Variants in SPRTN observed in about 807,000 individuals in gnomAD.
SPRTN encodes the protein SprT-like N-terminal domain.
In SPRTN, 11 loss-of-function variants were observed where a neutral mutation model predicts 31.9. The observed-to-expected ratio is 0.34, with a 90% CI of 0.22 to 0.57. The LOEUF (loss-of-function observed/expected upper bound fraction) is 0.57, where lower values mean the gene tolerates loss of function less well. SPRTN is among the 20% of genes least tolerant of loss of function. The pLI is 0.86. For missense variants in SPRTN, 482 were observed against 590.1 expected, an observed-to-expected ratio of 0.82 and a Z score of 1.90; for synonymous variants, 185 against 212.1, an observed-to-expected ratio of 0.87 and a Z score of 1.11.
At chr1:231,346,109 C>T (rs959178425) in intron 2 of SPRTN, among the ~76,000 whole-genome samples, 1 of 151,904 alleles carries the variant, frequency 6.6e-6, no homozygotes, top group African/African-American at 2.4e-5. Context: ...GCCACCACGC[C>T]TGACCATCCT....
At chr1:231,345,221 A>G (rs1160059066) in intron 2 of SPRTN, among the ~76,000 whole-genome samples, 1 of 151,140 alleles carries the variant, frequency 6.6e-6, no homozygotes, top group East Asian at 2.0e-4. Flanking sequence ...TCCCAGGTTC[A>G]GGTGATTCTC....
In SPRTN at chr1:231,354,487, G is replaced by A. The variant is rs1012885331; in HGVS notation, c.*1126G>A. The A allele has an allele frequency of 3.8e-5, 26 of 686,882 alleles. No individual in the cohort carries two copies. Among genetic ancestry groups the A allele is most frequent in the South Asian group, 2.6e-4 (4 of 15,250 alleles). The allele number at this position is 686,882 out of a possible 1,614,324, so 42.5% of individuals were successfully genotyped here. A position where few individuals can be genotyped will look rare whatever the true frequency, so the allele number is the denominator to read the frequency against. Reference sequence around the variant, plus strand: ...GTGTTCACCTGTGTAACTACCACCCGGATCAAGTTAGAGAACACTTCCATT... The same window carrying A: ...GTGTTCACCTGTGTAACTACCACCCAGATCAAGTTAGAGAACACTTCCATT... On this transcript the variant is annotated 3_prime_UTR_variant, in exon 5 of 5. Coordinates refer to ENST00000295050, the MANE Select transcript of SPRTN (RefSeq NM_032018.7).
chr1:231,345,397 G>A (rs911848133), intron 2 of SPRTN, among the ~76,000 whole-genome samples: 1 of 152,048 alleles, frequency 6.6e-6, no homozygotes, highest in Non-Finnish European at 1.5e-5. Context: ...CAAAGTGCGG[G>A]GATTACAGGC....
rs910028648 is a variant in SPRTN, at chr1:231,354,235, A to G, written c.*874A>G. ...AAAACATTATAATAAAAGGAATACC[A>G]TTTGTGCATTTTAAGTAATCTTTTT... On this transcript the variant is annotated 3_prime_UTR_variant, in exon 5 of 5. Coordinates refer to ENST00000295050, the MANE Select transcript of SPRTN (RefSeq NM_032018.7). 6 of 975,284 alleles carry G rather than the reference A, an allele frequency of 6.2e-6. No homozygotes were observed. In the African/African-American group the frequency reaches 1.1e-4, roughly 17 times the overall value. The allele number at this position is 975,284 out of a possible 1,614,324, so 60.4% of individuals were successfully genotyped here. A position where few individuals can be genotyped will look rare whatever the true frequency, so the allele number is the denominator to read the frequency against.
At chr1:231,341,212 A>C (rs1476951086) in intron 2 of SPRTN, among the ~76,000 whole-genome samples, 2 of 151,982 alleles carry the variant, frequency 1.3e-5, no homozygotes, top group African/African-American at 4.8e-5. Flanking sequence ...GTAAAGACAC[A>C]CTTATTTTAA....
intron 3 of SPRTN, among the ~76,000 whole-genome samples, 161 bp downstream of exon 3, chr1:231,348,086 A>G (rs1001235256): frequency 3.3e-5 from 5 of 152,242 alleles, no homozygotes; most frequent in Non-Finnish European, 5.9e-5. Flanking sequence ...CTGGGACTAC[A>G]TGGTGGAATG....
rs370771864 is a variant in SPRTN, at chr1:231,339,786, G to A, written c.239G>A (p.Ser80Asn). The A allele has an allele frequency of 7.7e-5, 124 of 1,614,072 alleles. 1 individual carries two copies. The highest frequency in any genetic ancestry group is 1.0e-4 in the Non-Finnish European group (120 of 1,180,020). Residue 80 changes from serine (S) to asparagine (N), a missense_variant, in exon 2 of 5, where the codon AGC becomes AAC. Transcript: ENST00000295050. ...TTTTCTAGGTGTGCTGGGATATGCA[G>A]CTATGAAGGGAAGGGTGGAATGTGT... ...VRMTLCAGICSYEGKGGMCSI... is the reference protein window; with the variant it reads ...VRMTLCAGICNYEGKGGMCSI...
intron 1 of SPRTN, 38 bp downstream of exon 1, chr1:231,338,642 G>A (rs777563160): frequency 6.2e-7 from 1 of 1,609,070 alleles, no homozygotes; most frequent in Admixed American, 1.7e-5. Flanking sequence ...AGGCGGGACT[G>A]GCAGCTTTCC....
At chr1:231,352,553 C>T (rs1190764184) in intron 4 of SPRTN, 57 bp from the exon 5 acceptor site, 2 of 1,521,394 alleles carry the variant, frequency 1.3e-6, no homozygotes, top group Non-Finnish European at 1.8e-6. Flanking sequence ...ATGTTTGTTA[C>T]TGTATTTCTT....
rs185148453 is a variant in SPRTN, at chr1:231,343,794, A to G, written c.321+3926A>G. Among the ~76,000 whole-genome samples, 6 of 152,108 alleles carry G rather than the reference A, an allele frequency of 3.9e-5. No homozygotes were observed. In the East Asian group the frequency reaches 7.8e-4, roughly 20 times the overall value. On this transcript the variant is annotated intron_variant, in intron 2 of 4. Coordinates refer to ENST00000295050, the MANE Select transcript of SPRTN (RefSeq NM_032018.7). ...TCAACTCATCACTCCTGCGATTAAAACATGGAGAGGTGAGCATTAAAGGAC... is the reference window on the plus strand; with the variant it reads ...TCAACTCATCACTCCTGCGATTAAAGCATGGAGAGGTGAGCATTAAAGGAC...
chr1:231,340,750 A>T (rs888330876), intron 2 of SPRTN, among the ~76,000 whole-genome samples: 14 of 151,974 alleles, frequency 9.2e-5, no homozygotes, highest in African/African-American at 3.4e-4. Flanking sequence ...GTGAGCCGAG[A>T]CCGTACCATT....
At position 231,351,205 on chromosome 1, in the gene SPRTN, TAAAAAAAA is replaced by T; in HGVS notation, c.451-82_451-75del. 15 of 973,380 alleles carry T rather than the reference TAAAAAAAA, an allele frequency of 1.5e-5. No homozygotes were observed. The East Asian group carries it at 1.9e-4, about 13-fold the overall frequency. 60.3% of individuals were successfully genotyped at this position (973,380 alleles called of 1,614,324 possible). On this transcript the variant is annotated intron_variant, in intron 3 of 4. Transcript: ENST00000295050. Reference sequence around the variant, plus strand: ...AAAGCTCTGGGAAAGTTTCAAAAATTAAAAAAAAAAAAAAAAAAAAAAAAGACTGCTTA... The same window carrying T: ...AAAGCTCTGGGAAAGTTTCAAAAATTAAAAAAAAAAAAAAAAGACTGCTTA...
Position 231,338,373 on chromosome 1 carries a change from T to G in SPRTN, c.-11T>G, listed in dbSNP as rs749616159. ...TGACGCCGGCGGACCCCGCCTGTGA[T>G]CCTGGCAACGATGGATGATGACTTG... On this transcript the variant is annotated 5_prime_UTR_variant, in exon 1 of 5. Coordinates refer to ENST00000295050, the MANE Select transcript of SPRTN (RefSeq NM_032018.7). 1.2e-6 allele frequency: 2 copies of G among 1,613,044 alleles called. No individual in the cohort carries two copies. Among genetic ancestry groups the G allele is most frequent in the Admixed American group, 3.3e-5 (2 of 60,026 alleles).
At chr1:231,352,121 A>T in intron 4 of SPRTN, 1 of 989,466 alleles carries the variant, frequency 1.0e-6, no homozygotes, top group Non-Finnish European at 1.2e-6. Context: ...TTTCCTGTGA[A>T]GTTCAGAGTT....
rs760886636 is a variant in SPRTN at position 231,353,211 on chromosome 1, A to G, written c.1320A>G (p.Thr440=). The change falls in exon 5 of 5, where the codon ACA becomes ACG. Residue 440 remains threonine (T), a synonymous_variant. Transcript: ENST00000295050. ...SGNDPKYSTT[T]AQNSSSSSSQ... is the part of the protein sequence containing the mutation. ...ATGATCCAAAGTATAGTACAACCACAGCTCAGAATTCCAGCAGTTCATCCA... is the reference window on the plus strand; with the variant it reads ...ATGATCCAAAGTATAGTACAACCACGGCTCAGAATTCCAGCAGTTCATCCA... 3.1e-6 allele frequency: 5 copies of G among 1,614,018 alleles called. No homozygotes were observed. The South Asian group carries it at 4.4e-5, about 14-fold the overall frequency.
chr1:231,353,533 T>C lies in SPRTN; in HGVS notation c.*172T>C. 1.5e-6 allele frequency: 2 copies of C among 1,340,084 alleles called. No individual in the cohort carries two copies. The highest frequency in any genetic ancestry group is 1.9e-6 in the Non-Finnish European group (2 of 1,051,548). 83.0% of individuals were successfully genotyped at this position (1,340,084 alleles called of 1,614,324 possible). A position where few individuals can be genotyped will look rare whatever the true frequency, so the allele number is the denominator to read the frequency against. The stretch of plus-strand genomic sequence containing the variant: ...CATATAAGATTGTAATTTTAAGATG[T>C]TTTGTGTCTCAGGGTGCTACATTCA... On this transcript the variant is annotated 3_prime_UTR_variant, in exon 5 of 5. Coordinates refer to ENST00000295050, the MANE Select transcript of SPRTN (RefSeq NM_032018.7).
At position 231,352,844 on chromosome 1, in the gene SPRTN, C is replaced by T. The variant is rs1687281392; in HGVS notation, c.953C>T (p.Pro318Leu). The change falls in exon 5 of 5, where the codon CCT (proline) becomes CTT (leucine). Residue 318 changes from proline to leucine, a missense_variant. By Grantham distance (98) the Pro-to-Leu change is moderately conservative. Transcript: ENST00000295050. ...AGTAAAAATTCTCATCTGGTCTCCC[C>T]TGCTGTTAGTAACAGTCACCAAAAT... is the stretch of plus-strand genomic sequence containing the variant. ...GSSKNSHLVS[P>L]AVSNSHQNVL... The T allele has an allele frequency of 6.2e-7, 1 of 1,613,994 alleles. No homozygotes were observed. The highest frequency in any genetic ancestry group is 8.5e-7 in the Non-Finnish European group (1 of 1,179,944).
intron 2 of SPRTN, chr1:231,344,680 G>GT (rs1447179844): frequency 6.6e-6 from 2 of 304,296 alleles, no homozygotes; most frequent in African/African-American, 2.2e-5. Flanking sequence ...GATGGAAATT[G>GT]TTTTTTAAAA....
rs1234353763 is a variant in SPRTN at position 231,347,886 on chromosome 1, T to C, written c.411T>C (p.His137=). 2 of 1,613,940 alleles carry C rather than the reference T, an allele frequency of 1.2e-6. No individual in the cohort carries two copies. Among genetic ancestry groups the C allele is most frequent in the South Asian group, 2.2e-5 (2 of 91,042 alleles). Residue 137 remains histidine, a synonymous_variant, in exon 3 of 5, where the codon CAT becomes CAC. Coordinates refer to ENST00000295050, the MANE Select transcript of SPRTN (RefSeq NM_032018.7). ...GGCATGGTCCAGAATTTTGTAAACATATGCATCGCATCAACAGCCTGACTG... is the reference window on the plus strand; with the variant it reads ...GGCATGGTCCAGAATTTTGTAAACACATGCATCGCATCAACAGCCTGACTG... The part of the protein sequence containing the change: ...REGHGPEFCK[H]MHRINSLTGA...
Sources: allele counts gnomAD v4.1 joint callset (sites outside exome capture counted in the v4.1 genomes callset), GRCh38; gene constraint gnomAD v4.1.1; transcripts MANE v1.5; gene names NCBI Gene and HGNC (gene_info 2026-07-23, HGNC 2026-07-21).